The following COLEC12 variants were observed in gnomAD, a reference collection of about 807,000 sequenced individuals.
The protein encoded by COLEC12 is collectin subfamily member 12.
COLEC12 carries 33 observed loss-of-function variants against 71.1 expected under a neutral mutation model. That is an observed-to-expected ratio of 0.46 (90% CI 0.35 to 0.62). The LOEUF (loss-of-function observed/expected upper bound fraction) is 0.62, where lower values mean the gene tolerates loss of function less well. COLEC12 is among the 20% of genes least tolerant of loss of function. COLEC12 has a pLI of 0.00. For missense variants in COLEC12, 765 were observed against 916.1 expected, an observed-to-expected ratio of 0.84 and a Z score of 2.13; for synonymous variants, 350 against 353.0, an observed-to-expected ratio of 0.99 and a Z score of 0.10.
intron 2 of COLEC12, among the ~76,000 whole-genome samples, chr18:376,526 T>C (rs1227995257): frequency 6.6e-6 from 1 of 152,208 alleles, no homozygotes; most frequent in Admixed American, 6.5e-5. Context: ...ACAGACTGCA[T>C]GAGTTTCCTT....
chr18:447,389 CCT>C (rs1255188315), intron 2 of COLEC12, among the ~76,000 whole-genome samples: 1 of 152,210 alleles, frequency 6.6e-6, no homozygotes, highest in Non-Finnish European at 1.5e-5. Context: ...GCATGAACTT[CCT>C]CTGTTTCTCA....
intron 2 of COLEC12, among the ~76,000 whole-genome samples, chr18:475,947 G>C (rs114145712): frequency 1.3e-5 from 2 of 152,166 alleles, no homozygotes; most frequent in African/African-American, 2.4e-5. Flanking sequence ...CGACATGCTC[G>C]GCACCGTGTG....
intron 2 of COLEC12, among the ~76,000 whole-genome samples, chr18:444,635 G>A (rs1009712558): frequency 4.6e-5 from 7 of 152,116 alleles, no homozygotes; most frequent in Non-Finnish European, 1.0e-4. Context: ...TTTGGAGGTG[G>A]GGGTGAGGTA....
intron 2 of COLEC12, among the ~76,000 whole-genome samples, chr18:456,867 G>T (rs1916883244): frequency 6.6e-6 from 1 of 152,036 alleles, no homozygotes; most frequent in Admixed American, 6.5e-5. Context: ...ACAAAATCCG[G>T]GTGGTAAGGA....
chr18:476,620 C>T (rs1268849900), intron 2 of COLEC12, among the ~76,000 whole-genome samples: 1 of 152,224 alleles, frequency 6.6e-6, no homozygotes, highest in African/African-American at 2.4e-5. Flanking sequence ...ATGCAGGCTC[C>T]AGAGGGAGGG....
chr18:350,925 A>T (rs546500977), intron 3 of COLEC12, among the ~76,000 whole-genome samples: 26 of 147,232 alleles, frequency 1.8e-4, no homozygotes, highest in African/African-American at 6.3e-4. Context: ...ACGCCATTGC[A>T]CTCCAGCCTG....
chr18:391,500 G>GT (rs1272685002), intron 2 of COLEC12, among the ~76,000 whole-genome samples: 3 of 152,222 alleles, frequency 2.0e-5, no homozygotes, highest in Non-Finnish European at 2.9e-5. Context: ...TAAATTGGGG[G>GT]TTTTTGTTGT....
chr18:320,213 G>GATCT (rs1445449933), intron 9 of COLEC12, 149 bp from the exon 10 acceptor site: 1 of 542,274 alleles, frequency 1.8e-6, no homozygotes, highest in African/African-American at 2.0e-5. Context: ...ATGTCTAGAA[G>GATCT]ATCTTATTTG....
chr18:471,644 C>A (rs1349492904), intron 2 of COLEC12, among the ~76,000 whole-genome samples: 1 of 150,496 alleles, frequency 6.6e-6, no homozygotes, highest in African/African-American at 2.4e-5. Flanking sequence ...AATAGTATAT[C>A]AGATTATATA....
intron 2 of COLEC12, among the ~76,000 whole-genome samples, chr18:436,515 CA>C (rs1235317721): frequency 1.3e-4 from 1 of 7,526 alleles, no homozygotes; most frequent in African/African-American, 4.7e-4. Flanking sequence ...GACTCCATCT[CA>C]AAAAAAAAAG....
intron 2 of COLEC12, among the ~76,000 whole-genome samples, chr18:403,963 C>T (rs1256625898): frequency 6.6e-6 from 1 of 152,188 alleles, no homozygotes; most frequent in Admixed American, 6.5e-5. Context: ...GGGCATCTTC[C>T]TTTTTCCCCA....
At chr18:391,835 T>C (rs1463939353) in intron 2 of COLEC12, among the ~76,000 whole-genome samples, 1 of 152,240 alleles carries the variant, frequency 6.6e-6, no homozygotes, top group East Asian at 1.9e-4. Context: ...AGTTCAAGTT[T>C]ATCCTTATTA....
chr18:445,705 T>C (rs1325420068), intron 2 of COLEC12, among the ~76,000 whole-genome samples: 3 of 151,352 alleles, frequency 2.0e-5, no homozygotes, highest in Non-Finnish European at 4.4e-5. Flanking sequence ...CAATCTTGGC[T>C]CACTGCAACC....
In COLEC12 at chr18:472,423, A is replaced by G. The variant is rs117861890; in HGVS notation, c.58+8284T>C. Among the ~76,000 whole-genome samples the G allele has an allele frequency of 3.3e-3, 510 of 152,256 alleles. 15 individuals carry two copies. The East Asian group carries it at 0.073, about 22-fold the overall frequency. ...TCAGGCGTGGTGCCTCACATCTGCAATCTCAGCACTTTAGGAGGCTGGGGC... is the reference window on the plus strand; with the variant it reads ...TCAGGCGTGGTGCCTCACATCTGCAGTCTCAGCACTTTAGGAGGCTGGGGC... On this transcript the variant is annotated intron_variant, in intron 2 of 9. Transcript: ENST00000400256.
At chr18:379,149 G>T (rs1253547996) in intron 2 of COLEC12, among the ~76,000 whole-genome samples, 5 of 151,808 alleles carry the variant, frequency 3.3e-5, no homozygotes, top group African/African-American at 4.8e-5. Flanking sequence ...TTGAGACAGG[G>T]TCTTGCTCTG....
chr18:483,291 T>G (rs2143776697), intron 1 of COLEC12, among the ~76,000 whole-genome samples: 1 of 152,020 alleles, frequency 6.6e-6, no homozygotes, highest in South Asian at 2.1e-4. Flanking sequence ...TCCCCGCTAC[T>G]TGGGAGGCTG....
intron 2 of COLEC12, among the ~76,000 whole-genome samples, chr18:421,650 C>T (rs11661744): frequency 0.24 from 35,868 of 151,970 alleles, 4,551 homozygotes; most frequent in Middle Eastern, 0.32. Flanking sequence ...GGTGCTGAAG[C>T]CACATTTGAA....
At chr18:358,932 T>C (rs2143504757) in intron 2 of COLEC12, among the ~76,000 whole-genome samples, 1 of 152,364 alleles carries the variant, frequency 6.6e-6, no homozygotes, top group Non-Finnish European at 1.5e-5. Flanking sequence ...ATGCAGTCCA[T>C]TGTTGACTGA....
chr18:354,100 T>G (rs536263917), intron 3 of COLEC12, among the ~76,000 whole-genome samples: 2 of 152,210 alleles, frequency 1.3e-5, no homozygotes, highest in Non-Finnish European at 2.9e-5. Flanking sequence ...GATAATGGAG[T>G]AGGATTTTCC....
Sources: gnomAD v4.1 joint callset for allele counts (sites outside exome capture counted in the v4.1 genomes callset) on GRCh38, gnomAD v4.1.1 for gene constraint, MANE v1.5 for transcripts, NCBI Gene and HGNC (gene_info 2026-07-23, HGNC 2026-07-21) for gene names.